The following DPH6 variants were observed in gnomAD, a reference collection of about 807,000 sequenced individuals.
The protein encoded by DPH6 is diphthamine biosynthesis 6.
In DPH6, 33 loss-of-function variants were observed where a neutral mutation model predicts 38.2. The observed-to-expected ratio is 0.86, with a 90% CI of 0.65 to 1.15. DPH6 has a LOEUF of 1.15. Ranked by LOEUF, DPH6 falls within the 50% of genes most tolerant of loss-of-function variation. DPH6 has a pLI of 0.00. For missense variants in DPH6, 325 were observed against 320.0 expected (o/e 1.02, Z -0.12); for synonymous variants, 108 against 103.0 (o/e 1.05, Z -0.30).
intron 3 of DPH6, among the ~76,000 whole-genome samples, chr15:35,475,396 C>G (rs1215808454): frequency 2.0e-5 from 3 of 151,992 alleles, no homozygotes; most frequent in Non-Finnish European, 4.4e-5. Context: ...TCTCTACAAT[C>G]AAAATCTGAA....
chr15:35,176,750 C>T, the DPH6 span, among the ~76,000 whole-genome samples: 1 of 152,178 alleles, frequency 6.6e-6, no homozygotes, highest in Non-Finnish European at 1.5e-5. Context: ...GGATTACAGG[C>T]GTGAGCCACC....
chr15:35,341,218 C>T (rs1253226431), intron 3 of DPH6, among the ~76,000 whole-genome samples: 1 of 152,010 alleles, frequency 6.6e-6, no homozygotes. Context: ...TTTTTCAGCT[C>T]CATCAAGTTG....
intron 3 of DPH6, among the ~76,000 whole-genome samples, chr15:35,491,853 T>G (rs2141174318): frequency 6.6e-6 from 1 of 151,218 alleles, no homozygotes; most frequent in East Asian, 1.9e-4. Flanking sequence ...ACTATAAATC[T>G]ATATGTATAT....
At chr15:35,375,916 C>T (rs1405292303) in intron 7 of DPH6, among the ~76,000 whole-genome samples, 3 of 152,084 alleles carry the variant, frequency 2.0e-5, no homozygotes, top group Non-Finnish European at 4.4e-5. Context: ...TGGGACTGAA[C>T]CACTGTTTAC....
intron 5 of DPH6, 69 bp from the exon 6 acceptor site, chr15:35,410,965 C>A: frequency 7.2e-7 from 1 of 1,380,412 alleles, no homozygotes; most frequent in Non-Finnish European, 1.0e-6. Flanking sequence ...ATTCCCCTTC[C>A]CTTGGCCCCT....
the DPH6 span, among the ~76,000 whole-genome samples, chr15:35,186,917 T>A: frequency 2.2e-4 from 33 of 152,230 alleles, no homozygotes; most frequent in South Asian, 8.3e-4. Context: ...AAGATAATTT[T>A]GGCTTAAAAA....
At chr15:35,400,772 A>G in intron 6 of DPH6, 1 of 754,782 alleles carries the variant, frequency 1.3e-6, no homozygotes. Context: ...ACAACCGATG[A>G]GAGCCCGAGG....
At chr15:35,503,851 C>G (rs2054659152) in intron 3 of DPH6, among the ~76,000 whole-genome samples, 2 of 151,994 alleles carry the variant, frequency 1.3e-5, no homozygotes, top group African/African-American at 4.8e-5. Flanking sequence ...AGTAACTTGT[C>G]CAAAGTTACA....
At chr15:35,312,953 C>G (rs779405063) in intron 3 of DPH6, among the ~76,000 whole-genome samples, 2 of 152,104 alleles carry the variant, frequency 1.3e-5, no homozygotes, top group African/African-American at 4.8e-5. Context: ...TCAGGCTGGG[C>G]GCAATGGCTC....
intron 4 of DPH6, among the ~76,000 whole-genome samples, chr15:35,453,072 C>T (rs1017716433): frequency 6.6e-6 from 1 of 152,198 alleles, no homozygotes; most frequent in African/African-American, 2.4e-5. Flanking sequence ...TAATACAACA[C>T]AAACTAAAAT....
At chr15:35,278,739 A>T (rs1385007603) in intron 3 of DPH6, among the ~76,000 whole-genome samples, 1 of 152,196 alleles carries the variant, frequency 6.6e-6, no homozygotes, top group Admixed American at 6.5e-5. Context: ...CCCTGAATGC[A>T]GGACATTAAG....
intron 3 of DPH6, among the ~76,000 whole-genome samples, chr15:35,235,928 TA>T (rs1243220557): frequency 6.6e-6 from 1 of 152,174 alleles, no homozygotes; most frequent in Non-Finnish European, 1.5e-5. Flanking sequence ...TTTTCTTAGT[TA>T]AAAAAGAAAC....
Position 35,373,529 on chromosome 15 carries a change from C to G in DPH6, c.742G>C (p.Glu248Gln), listed in dbSNP as rs755403757. Residue 248 changes from glutamate to glutamine, a missense_variant, in exon 8 of 9, where the codon GAG (glutamate) becomes CAG (glutamine). By Grantham distance (29) the Glu-to-Gln change is conservative. Coordinates refer to ENST00000256538, the MANE Select transcript of DPH6 (RefSeq NM_080650.4). The stretch of plus-strand genomic sequence containing the variant: ...ATCTTAGATTTACTTGCCTTGTCCT[C>G]CAAGTGCAATTCTAAAAAGCGTAGA... ...AYLRFLELHL[E>Q]DKVSSVPDNY... 1 of 1,603,028 alleles carries G rather than the reference C, an allele frequency of 6.2e-7. No individual in the cohort carries two copies. The highest frequency in any genetic ancestry group is 2.3e-5 in the East Asian group (1 of 44,172).
chr15:35,408,045 T>C (rs1595537824), intron 6 of DPH6, among the ~76,000 whole-genome samples: 2 of 151,970 alleles, frequency 1.3e-5, no homozygotes, highest in African/African-American at 4.8e-5. Context: ...GGGGTTGAGG[T>C]AGTATTCCAG....
intron 3 of DPH6, among the ~76,000 whole-genome samples, chr15:35,474,855 C>T (rs894038349): frequency 6.6e-6 from 1 of 151,514 alleles, no homozygotes; most frequent in Non-Finnish European, 1.5e-5. Context: ...GTTAGAATAC[C>T]GTACCTCGTG....
the DPH6 span, among the ~76,000 whole-genome samples, chr15:35,158,979 A>C: frequency 7.2e-5 from 11 of 152,072 alleles, no homozygotes; most frequent in African/African-American, 2.7e-4. Flanking sequence ...CACTGGTCTC[A>C]TCTTAAATTT....
downstream of DPH6, among the ~76,000 whole-genome samples, chr15:35,328,272 CTTCT>C (rs1249079298): frequency 1.3e-5 from 2 of 152,206 alleles, no homozygotes; most frequent in African/African-American, 4.8e-5. Flanking sequence ...CGTTTTTCTC[CTTCT>C]TTCTGCCATC....
chr15:35,264,972 G>A (rs28721486), intron 3 of DPH6, among the ~76,000 whole-genome samples: 1 of 152,272 alleles, frequency 6.6e-6, no homozygotes, highest in South Asian at 2.1e-4. Context: ...CGAACATTCA[G>A]AAGGAACTGA....
In DPH6 at chr15:35,292,265, T is replaced by C. The variant is rs1420898521; in HGVS notation, n.201-71683A>G. ...GACACCTGATAGTGTTATTAACTTA[T>C]TGTTACATTAACCACATACCACAAA... On this transcript the variant is annotated intron_variant and non_coding_transcript_variant, in intron 3 of 3. Coordinates refer to the DPH6 transcript ENST00000560386. 2.6e-5 allele frequency among the ~76,000 whole-genome samples: 4 copies of C among 152,194 alleles called. No homozygotes were observed. In the South Asian group the frequency reaches 6.2e-4, roughly 24 times the overall value.
Sources: gnomAD v4.1 joint callset for allele counts (sites outside exome capture counted in the v4.1 genomes callset) on GRCh38, gnomAD v4.1.1 for gene constraint, MANE v1.5 for transcripts, NCBI Gene and HGNC (gene_info 2026-07-23, HGNC 2026-07-21) for gene names.